Variants in ARFGEF3 observed in about 807,000 individuals in gnomAD.
ARFGEF3 encodes the protein brefeldin A-inhibited guanine nucleotide-exchange protein 3.
Under a neutral mutation model 221.7 loss-of-function variants are expected in ARFGEF3, and 96 were observed. That is an observed-to-expected ratio of 0.43 (90% confidence interval 0.37 to 0.51). ARFGEF3 has a LOEUF of 0.51. ARFGEF3 is among the 20% of genes least tolerant of loss of function. ARFGEF3 has a pLI of 0.00. For missense variants in ARFGEF3, 2,410 were observed against 2,789.9 expected (o/e 0.86, Z 3.07); for synonymous variants, 1,145 against 1,126.8 (o/e 1.02, Z -0.32).
chr6:138,320,576 G>A (rs1244800550), intron 28 of ARFGEF3, among the ~76,000 whole-genome samples: 2 of 152,208 alleles, frequency 1.3e-5, no homozygotes, highest in African/African-American at 2.4e-5. Context: ...TGGTGTAAGG[G>A]AAGAGGTTCC....
intron 6 of ARFGEF3, among the ~76,000 whole-genome samples, chr6:138,242,298 G>A (rs1433161890): frequency 1.3e-5 from 2 of 152,184 alleles, no homozygotes; most frequent in Non-Finnish European, 2.9e-5. Flanking sequence ...CCTGCAATGG[G>A]AAGTAAGTCT....
Position 138,289,988 on chromosome 6 carries a change from C to G in ARFGEF3, c.3047+20C>G. On this transcript the variant is annotated intron_variant, in intron 18 of 33. Transcript: ENST00000251691. ...GTTCAGGTGCATGACGGGCTCCCAC[C>G]CCCAGATGGCACTAACCCTGCCTTG... 1 of 1,599,008 alleles carries G rather than the reference C, an allele frequency of 6.3e-7. No homozygotes were observed. Among genetic ancestry groups the G allele is most frequent in the Non-Finnish European group, 8.5e-7 (1 of 1,171,522 alleles).
At chr6:138,216,230 TC>T (rs1342790064) in intron 4 of ARFGEF3, 1 of 152,244 alleles carries the variant, frequency 6.6e-6, no homozygotes, top group East Asian at 1.9e-4. Context: ...TCCACCCACC[TC>T]CCAAAGTGCT....
In ARFGEF3 at chr6:138,280,073, C is replaced by T; in HGVS notation, c.2370C>T (p.Tyr790=). 1 of 1,613,902 alleles carries T rather than the reference C, an allele frequency of 6.2e-7. No individual in the cohort carries two copies. ...CTCAGGCCTGGATTGAGGAGCTCTA[C>T]CATCAGGTGCTCGACAGGAACATGC... is the stretch of plus-strand genomic sequence containing the variant. The part of the protein sequence containing the change: ...VFSQAWIEEL[Y]HQVLDRNMLG... The change falls in exon 14 of 34, where the codon TAC becomes TAT. Residue 790 remains tyrosine, a synonymous_variant. Transcript: ENST00000251691.
intron 14 of ARFGEF3, among the ~76,000 whole-genome samples, chr6:138,282,853 A>C (rs1438712992): frequency 6.6e-6 from 1 of 152,202 alleles, no homozygotes; most frequent in Non-Finnish European, 1.5e-5. Context: ...GTTCAAGACC[A>C]GCCTGGCCAA....
At chr6:138,199,185 G>A (rs2114481210) in intron 2 of ARFGEF3, among the ~76,000 whole-genome samples, 1 of 152,282 alleles carries the variant, frequency 6.6e-6, no homozygotes, top group African/African-American at 2.4e-5. Context: ...TTTCAGTTTG[G>A]TTGAAAATTA....
At chr6:138,195,578 T>C (rs369113415) in intron 2 of ARFGEF3, among the ~76,000 whole-genome samples, 1 of 152,234 alleles carries the variant, frequency 6.6e-6, no homozygotes, top group African/African-American at 2.4e-5. Context: ...AAAAAAACTT[T>C]AGAATACTTT....
At position 138,328,116 on chromosome 6, in the gene ARFGEF3, A is replaced by G; in HGVS notation, c.5097A>G (p.Glu1699=). 6.3e-7 allele frequency: 1 copy of G among 1,591,960 alleles called. No individual in the cohort carries two copies. Among genetic ancestry groups the G allele is most frequent in the Non-Finnish European group, 8.6e-7 (1 of 1,168,236 alleles). The change falls in exon 32 of 34, where the codon GAA becomes GAG. Residue 1699 remains glutamate (E), a synonymous_variant. Coordinates refer to ENST00000251691, the MANE Select transcript of ARFGEF3 (RefSeq NM_020340.5). ...CQLIIELPPD[E]KPNGHTKKSV... ...TCATTATTGAGCTGCCTCCTGATGA[A>G]AAACCAAATGGACACACCAAGAAAA...
At chr6:138,320,175 G>A (rs373155894) in intron 28 of ARFGEF3, among the ~76,000 whole-genome samples, 55 of 152,168 alleles carry the variant, frequency 3.6e-4, no homozygotes, top group African/African-American at 1.1e-3. Context: ...GAAGGGAGGC[G>A]AATTCAAGTA....
chr6:138,238,009 G>A (rs767051418), intron 5 of ARFGEF3, among the ~76,000 whole-genome samples: 1 of 152,190 alleles, frequency 6.6e-6, no homozygotes, highest in Non-Finnish European at 1.5e-5. Context: ...ATGCTACCTA[G>A]TAACACAGCT....
chr6:138,280,086 G>T lies in ARFGEF3; in HGVS notation c.2383G>T (p.Asp795Tyr), dbSNP rs143940998. 52 of 1,613,904 alleles carry T rather than the reference G, an allele frequency of 3.2e-5. No homozygotes were observed. The highest frequency in any genetic ancestry group is 3.7e-5 in the Non-Finnish European group (44 of 1,179,836). Residue 795 changes from aspartate (D) to tyrosine (Y), a missense_variant, in exon 14 of 34, where the codon GAC becomes TAC. Coordinates refer to ENST00000251691, the MANE Select transcript of ARFGEF3 (RefSeq NM_020340.5). Reference sequence around the variant, plus strand: ...TGAGGAGCTCTACCATCAGGTGCTCGACAGGAACATGCTTGGAGAGGCTGG... The same window carrying T: ...TGAGGAGCTCTACCATCAGGTGCTCTACAGGAACATGCTTGGAGAGGCTGG... ...WIEELYHQVL[D>Y]RNMLGEAGYW...
intron 2 of ARFGEF3, among the ~76,000 whole-genome samples, chr6:138,195,485 C>T (rs1777399264): frequency 6.6e-6 from 1 of 152,134 alleles, no homozygotes; most frequent in South Asian, 2.1e-4. Flanking sequence ...AGGTTTTATT[C>T]AAGAGGACAA....
In ARFGEF3 at chr6:138,317,236, C is replaced by CT. The variant is rs746414829; in HGVS notation, c.4346-10dup. On this transcript the variant is annotated splice_polypyrimidine_tract_variant and intron_variant, in intron 26 of 33. Coordinates refer to ENST00000251691, the MANE Select transcript of ARFGEF3 (RefSeq NM_020340.5). ...TCTAACTGGATTTCATACAGGTCTG[C>CT]TTTTTGGTTTCCAGGTCTGATAGAA... The CT allele has an allele frequency of 1.8e-5, 29 of 1,609,980 alleles. 1 individual carries two copies. In the South Asian group the frequency reaches 2.8e-4, roughly 15 times the overall value.
rs546730492 is a variant in ARFGEF3 at position 138,286,232 on chromosome 6, C to T, written c.2569+179C>T. Among the ~76,000 whole-genome samples, 317 of 152,254 alleles carry T rather than the reference C, an allele frequency of 2.1e-3. 1 individual carries two copies. Among genetic ancestry groups the T allele is most frequent in the Non-Finnish European group, 3.0e-3 (204 of 68,016 alleles). ...TTGGGAGGCCGAGGCGGGCAGATCACGAGGTCAGGAGATCCAGACCATCCT... is the reference window on the plus strand; with the variant it reads ...TTGGGAGGCCGAGGCGGGCAGATCATGAGGTCAGGAGATCCAGACCATCCT... On this transcript the variant is annotated intron_variant, in intron 15 of 33. Coordinates refer to ENST00000251691, the MANE Select transcript of ARFGEF3 (RefSeq NM_020340.5).
chr6:138,219,745 CATATTATCAGGTCTCAATATTT>C (rs1777942970), intron 4 of ARFGEF3, among the ~76,000 whole-genome samples: 1 of 151,936 alleles, frequency 6.6e-6, no homozygotes, highest in Non-Finnish European at 1.5e-5. Flanking sequence ...AGACTGAGTT[CATATTATCAGGTCTCAATATTT>C]ATATTTAAAT....
At chr6:138,213,623 C>T (rs1053704816) in intron 4 of ARFGEF3, among the ~76,000 whole-genome samples, 2 of 151,478 alleles carry the variant, frequency 1.3e-5, no homozygotes, top group African/African-American at 4.9e-5. Flanking sequence ...CATGTGGAAT[C>T]GAAAAAAGTT....
intron 4 of ARFGEF3, chr6:138,215,991 TG>T (rs1554251053): frequency 6.6e-6 from 1 of 151,180 alleles, no homozygotes; most frequent in African/African-American, 2.4e-5. Flanking sequence ...TTTTTTTTTT[TG>T]GGTGGGGGGG....
Position 138,317,256 on chromosome 6 carries a change from A to T in ARFGEF3, c.4351A>T (p.Ile1451Leu). 1.2e-6 allele frequency: 2 copies of T among 1,613,376 alleles called. No individual in the cohort carries two copies. The highest frequency in any genetic ancestry group is 1.7e-6 in the Non-Finnish European group (2 of 1,179,728). ...LSDFDDDTGL[I>L]EVWIILLEQL... is the part of the protein sequence containing the mutation. The stretch of plus-strand genomic sequence containing the variant: ...GTCTGCTTTTTGGTTTCCAGGTCTG[A>T]TAGAAGTCTGGATAATCCTGCTGGA... Residue 1451 changes from isoleucine to leucine, a missense_variant, in exon 27 of 34, where the codon ATA becomes TTA. Ile to Leu is a conservative substitution (Grantham distance 5, BLOSUM62 2). Transcript: ENST00000251691.
At chr6:138,218,399 T>G in intron 4 of ARFGEF3, 1 of 1,529,886 alleles carries the variant, frequency 6.5e-7, no homozygotes, top group Non-Finnish European at 8.8e-7. Flanking sequence ...CCCTCATATT[T>G]ACTACTGTAA....
Sources: gnomAD v4.1 joint callset for allele counts (sites outside exome capture counted in the v4.1 genomes callset) on GRCh38, gnomAD v4.1.1 for gene constraint, MANE v1.5 for transcripts, NCBI Gene and HGNC (gene_info 2026-07-23, HGNC 2026-07-21) for gene names.